Variants in DTNB observed in about 807,000 individuals in gnomAD.
The protein encoded by DTNB is DTN-B.
Under a neutral mutation model 90.7 loss-of-function variants are expected in DTNB, and 63 were observed. The ratio of observed to expected loss-of-function variants is 0.69; its 90% CI spans 0.57 to 0.86. The LOEUF (loss-of-function observed/expected upper bound fraction) is 0.86, where lower values mean the gene tolerates loss of function less well. Ranked by LOEUF, DTNB falls within the 40% of genes least tolerant of loss-of-function variation. DTNB has a pLI of 0.00. For synonymous variants in DTNB, 277 were observed against 286.7 expected (o/e 0.97, Z 0.34); for missense variants, 744 against 807.1 (o/e 0.92, Z 0.95).
At chr2:25,624,154 T>G (rs978324610) in intron 4 of DTNB, among the ~76,000 whole-genome samples, 3 of 152,234 alleles carry the variant, frequency 2.0e-5, no homozygotes, top group Non-Finnish European at 2.9e-5. Context: ...TCAGAATATG[T>G]TTAAATCTAC....
At chr2:25,459,657 C>G (rs544680080) in intron 10 of DTNB, among the ~76,000 whole-genome samples, 1 of 152,252 alleles carries the variant, frequency 6.6e-6, no homozygotes, top group African/African-American at 2.4e-5. Flanking sequence ...CCATGCCCAG[C>G]TAATTTTTGT....
chr2:25,395,991 C>T (rs569312920), intron 16 of DTNB, among the ~76,000 whole-genome samples: 1 of 152,144 alleles, frequency 6.6e-6, no homozygotes, highest in African/African-American at 2.4e-5. Flanking sequence ...TAGGACAATT[C>T]ACAATTGCAA....
chr2:25,654,259 A>C (rs1258394615), intron 1 of DTNB, among the ~76,000 whole-genome samples: 2 of 152,208 alleles, frequency 1.3e-5, no homozygotes, highest in Non-Finnish European at 2.9e-5. Context: ...CTCTGTCATA[A>C]CACAACCACC....
chr2:25,597,268 C>T (rs2064841552), intron 5 of DTNB, among the ~76,000 whole-genome samples: 1 of 151,708 alleles, frequency 6.6e-6, no homozygotes, highest in Admixed American at 6.6e-5. Context: ...GAGGTCAAGA[C>T]TACAGTGAGC....
intron 16 of DTNB, among the ~76,000 whole-genome samples, chr2:25,417,448 AT>A (rs2048256839): frequency 6.6e-6 from 1 of 152,264 alleles, no homozygotes; most frequent in East Asian, 1.9e-4. Context: ...ATGGTAATCC[AT>A]AAAAATTTTA....
intron 8 of DTNB, among the ~76,000 whole-genome samples, chr2:25,553,492 C>T (rs990414841): frequency 2.0e-5 from 3 of 151,788 alleles, no homozygotes; most frequent in Admixed American, 1.3e-4. Flanking sequence ...AATCCTAGCA[C>T]TTAGGGAGGC....
chr2:25,621,444 A>C (rs1285894102), intron 4 of DTNB, among the ~76,000 whole-genome samples: 1 of 136,446 alleles, frequency 7.3e-6, no homozygotes, highest in East Asian at 2.5e-4. Context: ...CTGCTAAATC[A>C]ACTTTTTTTT....
At chr2:25,646,576 T>C (rs1365332975) in intron 2 of DTNB, among the ~76,000 whole-genome samples, 1 of 152,192 alleles carries the variant, frequency 6.6e-6, no homozygotes, top group Non-Finnish European at 1.5e-5. Context: ...CAACCTCTTA[T>C]TGCAACCCAG....
chr2:25,394,855 G>A (rs1260368066), intron 16 of DTNB, among the ~76,000 whole-genome samples: 3 of 152,184 alleles, frequency 2.0e-5, no homozygotes, highest in African/African-American at 7.2e-5. Flanking sequence ...TAGATCTACT[G>A]TTTGATCCAG....
intron 5 of DTNB, among the ~76,000 whole-genome samples, chr2:25,604,246 C>T (rs1390028649): frequency 6.6e-6 from 1 of 152,112 alleles, no homozygotes; most frequent in East Asian, 1.9e-4. Flanking sequence ...GCATAATAGT[C>T]TCAAAATAGG....
chr2:25,450,846 C>T (rs2059172795), intron 12 of DTNB, among the ~76,000 whole-genome samples: 1 of 152,112 alleles, frequency 6.6e-6, no homozygotes, highest in African/African-American at 2.4e-5. Context: ...CTCTGTTGCC[C>T]AGGCTGGAGT....
At chr2:25,650,972 AAATAAT>A (rs2080809896) in intron 2 of DTNB, among the ~76,000 whole-genome samples, 1 of 148,498 alleles carries the variant, frequency 6.7e-6, no homozygotes, top group African/African-American at 2.4e-5. Flanking sequence ...AAAAAAAAAA[AAATAAT>A]AATAATAAGT....
chr2:25,598,117 G>A (rs1338190871), intron 5 of DTNB, among the ~76,000 whole-genome samples: 1 of 152,208 alleles, frequency 6.6e-6, no homozygotes, highest in African/African-American at 2.4e-5. Context: ...GAGCTTGTAA[G>A]CAGAAGGGTT....
intron 9 of DTNB, among the ~76,000 whole-genome samples, chr2:25,529,585 CAAG>C (rs1232806921): frequency 6.6e-6 from 1 of 151,506 alleles, no homozygotes; most frequent in Non-Finnish European, 1.5e-5. Flanking sequence ...TCTTTTTTCC[CAAG>C]AAGAAGAAAG....
intron 9 of DTNB, among the ~76,000 whole-genome samples, chr2:25,516,172 C>T (rs559696184): frequency 6.6e-6 from 1 of 152,210 alleles, no homozygotes; most frequent in African/African-American, 2.4e-5. Flanking sequence ...TGACAATATA[C>T]CAAGTGCTGA....
intron 1 of DTNB, among the ~76,000 whole-genome samples, chr2:25,661,551 G>C (rs1177518344): frequency 6.6e-6 from 1 of 152,212 alleles, no homozygotes; most frequent in African/African-American, 2.4e-5. Flanking sequence ...GGAAAGGAAG[G>C]GGCTATGACT....
intron 16 of DTNB, among the ~76,000 whole-genome samples, chr2:25,418,096 G>A (rs563449317): frequency 6.6e-6 from 1 of 152,306 alleles, no homozygotes; most frequent in South Asian, 2.1e-4. Context: ...AGAGATGGAA[G>A]CAATAAACTC....
chr2:25,461,047 G>GT (rs1299308857), intron 10 of DTNB, among the ~76,000 whole-genome samples: 3 of 152,156 alleles, frequency 2.0e-5, no homozygotes, highest in Non-Finnish European at 4.4e-5. Flanking sequence ...GGGACTACAG[G>GT]TGTGTGCCAC....
intron 8 of DTNB, among the ~76,000 whole-genome samples, chr2:25,564,182 A>G (rs1559045137): frequency 6.6e-6 from 1 of 152,086 alleles, no homozygotes; most frequent in Admixed American, 6.6e-5. Context: ...CTTTTTGAAG[A>G]CTGCTTTGAC....
Sources: gnomAD v4.1 joint callset for allele counts (sites outside exome capture counted in the v4.1 genomes callset) on GRCh38, gnomAD v4.1.1 for gene constraint, MANE v1.5 for transcripts, NCBI Gene and HGNC (gene_info 2026-07-23, HGNC 2026-07-21) for gene names.